The following ZFC3H1 variants were observed in gnomAD, a reference collection of about 807,000 sequenced individuals.
ZFC3H1 encodes the protein zinc finger C3H1-type containing, also known as zinc finger C3H1 domain-containing protein.
ZFC3H1 carries 71 observed loss-of-function variants against 243.7 expected under a neutral mutation model. The ratio of observed to expected loss-of-function variants is 0.29; its 90% CI spans 0.24 to 0.36. The LOEUF (loss-of-function observed/expected upper bound fraction) is 0.36, where lower values mean the gene tolerates loss of function less well. Ranked by LOEUF, ZFC3H1 falls within the 10% of genes least tolerant of loss-of-function variation. The probability of loss-of-function intolerance (pLI) is 1.00; values close to 1 mark genes in which losing one functional copy is unlikely to be tolerated. For synonymous variants in ZFC3H1, 838 were observed against 813.0 expected (o/e 1.03, Z -0.52); for missense variants, 1,966 against 2,317.1 (o/e 0.85, Z 3.11).
At chr12:71,651,905 T>C (rs1197844688) in intron 2 of ZFC3H1, among the ~76,000 whole-genome samples, 1 of 152,072 alleles carries the variant, frequency 6.6e-6, no homozygotes, top group East Asian at 1.9e-4. Flanking sequence ...AAAATGGCCA[T>C]GAACAAGACA....
chr12:71,660,227 G>A (rs1198371703), intron 1 of ZFC3H1: 4 of 152,176 alleles, frequency 2.6e-5, no homozygotes, highest in East Asian at 1.9e-4. Context: ...ATTAAACTGA[G>A]TACAACCTTG....
At chr12:71,629,556 TACACACAC>T (rs35067681) in intron 19 of ZFC3H1, 45 bp downstream of exon 19, 155 of 691,650 alleles carry the variant, frequency 2.2e-4, no homozygotes, top group South Asian at 4.7e-4. Context: ...AGAGATACAG[TACACACAC>T]ACACACACAC....
intron 28 of ZFC3H1, 59 bp from the exon 29 acceptor site, chr12:71,614,997 T>A: frequency 1.4e-6 from 2 of 1,422,916 alleles, no homozygotes; most frequent in Non-Finnish European, 2.0e-6. Context: ...GGTGAAGGAA[T>A]GACAAAGTAT....
At chr12:71,625,341 G>A (rs550921646) in intron 22 of ZFC3H1, among the ~76,000 whole-genome samples, 24 of 152,310 alleles carry the variant, frequency 1.6e-4, no homozygotes, top group African/African-American at 5.5e-4. Context: ...AAGTTCAGGT[G>A]AATATTTATT....
chr12:71,645,704 T>C (rs1173774925), intron 3 of ZFC3H1, among the ~76,000 whole-genome samples: 1 of 152,232 alleles, frequency 6.6e-6, no homozygotes, highest in African/African-American at 2.4e-5. Context: ...AGACAAGACT[T>C]TTCTTCAGGA....
chr12:71,616,098 T>C (rs1480685135), intron 27 of ZFC3H1, among the ~76,000 whole-genome samples: 1 of 152,126 alleles, frequency 6.6e-6, no homozygotes, highest in Admixed American at 6.5e-5. Context: ...AAGATCAGCC[T>C]GGCTAACAAC....
At chr12:71,625,177 G>A (rs1364801882) in intron 22 of ZFC3H1, among the ~76,000 whole-genome samples, 6 of 152,158 alleles carry the variant, frequency 3.9e-5, no homozygotes, top group Non-Finnish European at 7.3e-5. Flanking sequence ...AGTTCAAAGA[G>A]TAAGAAATAG....
chr12:71,632,459 G>A lies in ZFC3H1; in HGVS notation c.2873C>T (p.Ser958Leu). 6.2e-7 allele frequency: 1 copy of A among 1,601,092 alleles called. No homozygotes were observed. Among genetic ancestry groups the A allele is most frequent in the Non-Finnish European group, 8.5e-7 (1 of 1,178,676 alleles). The stretch of plus-strand genomic sequence containing the variant: ...TTTCTCCATAGCAATTAGTTCTGCT[G>A]AATGCTTTCTTGGACTTGATACTGG... ...SSPVSSPRKH[S>L]AELIAMEKRR... The change falls in exon 15 of 35, where the codon TCA becomes TTA. Residue 958 changes from serine (S) to leucine (L), a missense_variant. By Grantham distance (145) the Ser-to-Leu change is moderately radical. Transcript: ENST00000378743.
At chr12:71,660,293 T>C (rs1307056581) in intron 1 of ZFC3H1, 1 of 152,228 alleles carries the variant, frequency 6.6e-6, no homozygotes, top group East Asian at 1.9e-4. Context: ...GCTCACATTA[T>C]ATAAAAGTAG....
Position 71,610,336 on chromosome 12 carries a change from AGACCTT to A in ZFC3H1, c.*86_*91del, listed in dbSNP as rs757782971. On this transcript the variant is annotated 3_prime_UTR_variant, in exon 35 of 35. Transcript: ENST00000378743. ...TCAATAACGCTTGTCTGCCTTACAC[AGACCTT>A]AGCCAGGGATCAGCCTAATCTTGAA... 241 of 1,461,018 alleles carry A rather than the reference AGACCTT, an allele frequency of 1.6e-4. No individual in the cohort carries two copies. The highest frequency in any genetic ancestry group is 2.1e-4 in the Non-Finnish European group (230 of 1,075,374). The allele number at this position is 1,461,018 out of a possible 1,614,324, so 90.5% of individuals were successfully genotyped here.
At position 71,657,368 on chromosome 12, in the gene ZFC3H1, A is replaced by G. The variant is rs1195500221; in HGVS notation, c.599-67T>C. ...ACAGTTAAATTTAACAAAAAAACTT[A>G]GATTATAGATGAATTTTCTCCCTTT... is the stretch of plus-strand genomic sequence containing the variant. On this transcript the variant is annotated intron_variant, in intron 1 of 34. Coordinates refer to ENST00000378743, the MANE Select transcript of ZFC3H1 (RefSeq NM_144982.5). 3.5e-6 allele frequency: 4 copies of G among 1,138,966 alleles called. No homozygotes were observed. In the East Asian group the frequency reaches 1.0e-4, roughly 29 times the overall value. The allele number at this position is 1,138,966 out of a possible 1,614,324, so 70.6% of individuals were successfully genotyped here.
intron 6 of ZFC3H1, among the ~76,000 whole-genome samples, chr12:71,638,805 G>A (rs542290616): frequency 6.6e-6 from 1 of 151,622 alleles, no homozygotes; most frequent in Admixed American, 6.6e-5. Context: ...GGAAAAGACA[G>A]AAACATACTT....
Position 71,615,033 on chromosome 12 carries a change from A to G in ZFC3H1, c.5256-95T>C, listed in dbSNP as rs1879860198. 2 of 1,232,502 alleles carry G rather than the reference A, an allele frequency of 1.6e-6. 1 individual carries two copies. The highest frequency in any genetic ancestry group is 2.6e-5 in the South Asian group (2 of 75,820). The allele number at this position is 1,232,502 out of a possible 1,614,324, so 76.3% of individuals were successfully genotyped here. Reference sequence around the variant, plus strand: ...TTTAAACATTACAGATGTTATTACAATAGAATCCTTCTTTTGACCTTTCTT... The same window carrying G: ...TTTAAACATTACAGATGTTATTACAGTAGAATCCTTCTTTTGACCTTTCTT... On this transcript the variant is annotated intron_variant, in intron 28 of 34. Coordinates refer to ENST00000378743, the MANE Select transcript of ZFC3H1 (RefSeq NM_144982.5).
At chr12:71,617,338 G>T (rs1460019283) in intron 27 of ZFC3H1, among the ~76,000 whole-genome samples, 1 of 152,098 alleles carries the variant, frequency 6.6e-6, no homozygotes, top group Non-Finnish European at 1.5e-5. Context: ...GTAACCAAGA[G>T]TTTCACTATT....
chr12:71,649,084 CTT>C (rs1880808245), intron 2 of ZFC3H1, among the ~76,000 whole-genome samples: 1 of 121,098 alleles, frequency 8.3e-6, no homozygotes, highest in South Asian at 2.9e-4. Context: ...GAGCAAGACT[CTT>C]GTCTCAAAAA....
At chr12:71,627,426 C>T (rs986240230) in intron 21 of ZFC3H1, among the ~76,000 whole-genome samples, 1 of 152,084 alleles carries the variant, frequency 6.6e-6, no homozygotes, top group African/African-American at 2.4e-5. Context: ...ACTATGACTA[C>T]TATGATTTTT....
chr12:71,642,703 T>C (rs1880629734), intron 5 of ZFC3H1, 144 bp from the exon 6 acceptor site: 3 of 916,902 alleles, frequency 3.3e-6, no homozygotes, highest in Non-Finnish European at 1.6e-6. Flanking sequence ...TTTGGGAAAT[T>C]CAATTCAAAT....
chr12:71,652,651 C>T (rs1463663555), intron 2 of ZFC3H1, among the ~76,000 whole-genome samples: 1 of 152,166 alleles, frequency 6.6e-6, no homozygotes, highest in Non-Finnish European at 1.5e-5. Context: ...TTACTCCAGG[C>T]TTTCACACAT....
chr12:71,634,328 T>C (rs750625504), intron 11 of ZFC3H1, 24 bp from the exon 12 acceptor site: 3 of 1,606,240 alleles, frequency 1.9e-6, no homozygotes, highest in Non-Finnish European at 1.7e-6. Flanking sequence ...AAAGGATATA[T>C]GCATTACACC....
Sources: gnomAD v4.1 joint callset for allele counts (sites outside exome capture counted in the v4.1 genomes callset) on GRCh38, gnomAD v4.1.1 for gene constraint, MANE v1.5 for transcripts, NCBI Gene and HGNC (gene_info 2026-07-23, HGNC 2026-07-21) for gene names.